RCL1: variants seen among roughly 807,000 people sequenced by gnomAD.
RCL1 encodes the protein RNA terminal phosphate cyclase like 1.
In RCL1, 24 loss-of-function variants were observed where a neutral mutation model predicts 42.4. The observed-to-expected ratio is 0.57, with a 90% confidence interval of 0.41 to 0.80. The LOEUF is 0.80. Among genes scored for constraint, RCL1 ranks in the 30% least tolerant of loss-of-function variants. The probability of loss-of-function intolerance (pLI) is 0.00; values close to 1 mark genes in which losing one functional copy is unlikely to be tolerated. For missense variants in RCL1, 578 were observed against 467.9 expected (o/e 1.24, Z -2.17); for synonymous variants, 228 against 177.3 (o/e 1.29, Z -2.27).
chr9:4,835,242 C>G (rs1817082646), intron 5 of RCL1, among the ~76,000 whole-genome samples: 2 of 152,188 alleles, frequency 1.3e-5, no homozygotes, highest in Non-Finnish European at 1.5e-5. Context: ...GGGTGGAACC[C>G]TGTGAGGCCA....
chr9:4,828,770 T>G (rs188728458), intron 3 of RCL1, among the ~76,000 whole-genome samples: 2 of 152,316 alleles, frequency 1.3e-5, no homozygotes, highest in Admixed American at 6.5e-5. Context: ...TTTTAAAAAT[T>G]TTATATGCTA....
At chr9:4,847,878 C>T (rs990156782) in intron 7 of RCL1, among the ~76,000 whole-genome samples, 3 of 152,212 alleles carry the variant, frequency 2.0e-5, no homozygotes, top group African/African-American at 4.8e-5. Flanking sequence ...GTTCTTCCTT[C>T]CTCCCCAAAC....
chr9:4,831,017 G>A (rs529239875), intron 3 of RCL1, among the ~76,000 whole-genome samples: 3 of 152,186 alleles, frequency 2.0e-5, no homozygotes, highest in South Asian at 2.1e-4. Flanking sequence ...GAGAGTGTTC[G>A]GCCCAGCCTC....
At chr9:4,834,306 T>C in intron 5 of RCL1, 41 bp downstream of exon 5, 1 of 1,581,308 alleles carries the variant, frequency 6.3e-7, no homozygotes, top group South Asian at 1.1e-5. Context: ...TTTTTTGTTG[T>C]TGTTGCCTCA....
At chr9:4,831,361 G>T (rs887920328) in intron 3 of RCL1, among the ~76,000 whole-genome samples, 4 of 149,510 alleles carry the variant, frequency 2.7e-5, no homozygotes, top group Non-Finnish European at 5.9e-5. Context: ...CTGCAGCATT[G>T]CATCCCCTAC....
chr9:4,817,472 T>C (rs199994101), intron 1 of RCL1, among the ~76,000 whole-genome samples: 97,357 of 131,610 alleles, frequency 0.74, 35,145 homozygotes, highest in East Asian at 0.93. Context: ...TTTTTTAATC[T>C]TTTTTTTTTT....
At chr9:4,814,495 TG>T (rs1264388514) in intron 1 of RCL1, among the ~76,000 whole-genome samples, 2 of 152,184 alleles carry the variant, frequency 1.3e-5, no homozygotes, top group Non-Finnish European at 2.9e-5. Flanking sequence ...CGCCAACTCC[TG>T]GGCATGATCA....
intron 3 of RCL1, among the ~76,000 whole-genome samples, chr9:4,830,383 G>T (rs1000261278): frequency 1.3e-5 from 2 of 152,148 alleles, no homozygotes; most frequent in East Asian, 1.9e-4. Flanking sequence ...AGAGCTGAGG[G>T]TCCTTGCCGA....
At chr9:4,834,344 C>A in intron 5 of RCL1, 79 bp downstream of exon 5, 1 of 1,476,766 alleles carries the variant, frequency 6.8e-7, no homozygotes, top group Non-Finnish European at 9.2e-7. Flanking sequence ...AACAGCTTTA[C>A]TTCTTCCCGA....
intron 4 of RCL1, among the ~76,000 whole-genome samples, chr9:4,833,448 C>T (rs566187467): frequency 7.2e-5 from 11 of 152,232 alleles, no homozygotes; most frequent in Non-Finnish European, 1.5e-5. Flanking sequence ...ACTTCTTTTG[C>T]GGTGGGGGCC....
At chr9:4,818,739 G>C (rs1359287313) in intron 1 of RCL1, among the ~76,000 whole-genome samples, 1 of 152,050 alleles carries the variant, frequency 6.6e-6, no homozygotes, top group South Asian at 2.1e-4. Flanking sequence ...GGACATGGTG[G>C]CACGTGCCTG....
intron 1 of RCL1, among the ~76,000 whole-genome samples, chr9:4,807,789 G>T (rs1816032888): frequency 6.6e-6 from 1 of 152,198 alleles, no homozygotes; most frequent in African/African-American, 2.4e-5. Context: ...AAAATGCTGG[G>T]ATTACAGGCG....
chr9:4,837,794 G>A (rs1587721775), intron 5 of RCL1, among the ~76,000 whole-genome samples: 1 of 152,156 alleles, frequency 6.6e-6, no homozygotes, highest in African/African-American at 2.4e-5. Context: ...TCCCTGTGTA[G>A]AATCTGAGCC....
chr9:4,815,437 G>C (rs1160461865), intron 1 of RCL1, among the ~76,000 whole-genome samples: 2 of 133,620 alleles, frequency 1.5e-5, no homozygotes, highest in East Asian at 4.4e-4. Flanking sequence ...GTCTTAAGCT[G>C]CAGTATTTTT....
Position 4,834,130 on chromosome 9 carries a change from T to C in RCL1, c.460-11T>C. 1 of 1,611,280 alleles carries C rather than the reference T, an allele frequency of 6.2e-7. No individual in the cohort carries two copies. The highest frequency in any genetic ancestry group is 8.5e-7 in the Non-Finnish European group (1 of 1,178,526). On this transcript the variant is annotated splice_polypyrimidine_tract_variant and intron_variant, in intron 4 of 8. Coordinates refer to ENST00000381750, the MANE Select transcript of RCL1 (RefSeq NM_005772.5). ...TGCATCCTCGCCTCATCTTTCTCACTCTCTGTGTAGATTGTGCGACGGGGA... is the reference window on the plus strand; with the variant it reads ...TGCATCCTCGCCTCATCTTTCTCACCCTCTGTGTAGATTGTGCGACGGGGA...
intron 1 of RCL1, among the ~76,000 whole-genome samples, chr9:4,801,129 C>T (rs182460863): frequency 1.6e-4 from 25 of 152,226 alleles, no homozygotes; most frequent in African/African-American, 5.5e-4. Flanking sequence ...AAACATCTTT[C>T]CAAGTCTTTT....
chr9:4,840,732 C>T lies in RCL1; in HGVS notation c.585-500C>T, dbSNP rs565009382. ...ATGTTCTTTCACTGAACTTTTTCTG[C>T]TTCTCCCATCAGCATACCAGGAGTC... On this transcript the variant is annotated intron_variant, in intron 5 of 8. Transcript: ENST00000381750. 2.9e-4 allele frequency among the ~76,000 whole-genome samples: 44 copies of T among 152,300 alleles called. No homozygotes were observed. In the Middle Eastern group the frequency reaches 0.01, roughly 35 times the overall value.
At position 4,793,038 on chromosome 9, in the gene RCL1, T is replaced by A; in HGVS notation, c.-54T>A. ...CACCATCGGAGTCACGAGTCCCGCGTCTGTCCGAAGTCGCCGCTCTCGGGC... is the reference window on the plus strand; with the variant it reads ...CACCATCGGAGTCACGAGTCCCGCGACTGTCCGAAGTCGCCGCTCTCGGGC... On this transcript the variant is annotated 5_prime_UTR_variant, in exon 1 of 9. Coordinates refer to ENST00000381750, the MANE Select transcript of RCL1 (RefSeq NM_005772.5). 1 of 1,562,280 alleles carries A rather than the reference T, an allele frequency of 6.4e-7. No individual in the cohort carries two copies. The highest frequency in any genetic ancestry group is 8.7e-7 in the Non-Finnish European group (1 of 1,151,580).
At chr9:4,857,710 C>T (rs1381345679) in intron 8 of RCL1, among the ~76,000 whole-genome samples, 1 of 152,138 alleles carries the variant, frequency 6.6e-6, no homozygotes, top group Non-Finnish European at 1.5e-5. Flanking sequence ...AGCGGCTGTA[C>T]CGTTTTACAT....
Sources: gnomAD v4.1 joint callset for allele counts (sites outside exome capture counted in the v4.1 genomes callset) on GRCh38, gnomAD v4.1.1 for gene constraint, MANE v1.5 for transcripts, NCBI Gene and HGNC (gene_info 2026-07-23, HGNC 2026-07-21) for gene names.